CTNNA3: variants seen among roughly 807,000 people sequenced by gnomAD.
The protein encoded by CTNNA3 is catenin alpha-3.
A neutral mutation model predicts 95.7 loss-of-function variants in CTNNA3; 76 were observed. That is an observed-to-expected ratio of 0.79 (90% confidence interval 0.66 to 0.96). CTNNA3 has a LOEUF of 0.96. CTNNA3 is among the 40% of genes least tolerant of loss of function. The pLI is 0.00. For synonymous variants in CTNNA3, 431 were observed against 374.4 expected (o/e 1.15, Z -1.74); for missense variants, 1,191 against 1,089.8 (o/e 1.09, Z -1.31).
chr10:66,159,273 A>C (rs1259303368), intron 13 of CTNNA3, among the ~76,000 whole-genome samples: 1 of 152,068 alleles, frequency 6.6e-6, no homozygotes, highest in African/African-American at 2.4e-5. Context: ...TTCCCCATTC[A>C]GTATAATGTT....
At chr10:66,646,785 G>A (rs1056388421) in intron 9 of CTNNA3, among the ~76,000 whole-genome samples, 3 of 152,046 alleles carry the variant, frequency 2.0e-5, no homozygotes, top group African/African-American at 7.2e-5. Flanking sequence ...GTCACAAGAG[G>A]AGTGCTCTTC....
At chr10:66,605,719 T>C (rs1427698745) in intron 10 of CTNNA3, among the ~76,000 whole-genome samples, 3 of 152,050 alleles carry the variant, frequency 2.0e-5, no homozygotes, top group East Asian at 3.9e-4. Context: ...AGCTTCATAA[T>C]TGAGGTAGAA....
At chr10:67,249,510 T>A (rs1053409522) in intron 5 of CTNNA3, among the ~76,000 whole-genome samples, 13 of 152,172 alleles carry the variant, frequency 8.5e-5, no homozygotes, top group African/African-American at 3.1e-4. Context: ...AGCAAAACAA[T>A]GTAACAAAAT....
intron 5 of CTNNA3, among the ~76,000 whole-genome samples, chr10:67,517,458 G>A (rs1208046929): frequency 1.3e-5 from 2 of 151,796 alleles, no homozygotes; most frequent in Non-Finnish European, 2.9e-5. Flanking sequence ...AAGGTATTAT[G>A]TACCCTTCTG....
At chr10:67,478,829 A>C (rs536352759) in intron 5 of CTNNA3, among the ~76,000 whole-genome samples, 133 of 150,896 alleles carry the variant, frequency 8.8e-4, no homozygotes, top group Admixed American at 1.7e-3. Context: ...AAAAGGCACA[A>C]ATTGGCAAGT....
chr10:67,579,969 G>A (rs1382476179), intron 3 of CTNNA3, among the ~76,000 whole-genome samples: 1 of 152,020 alleles, frequency 6.6e-6, no homozygotes, highest in Non-Finnish European at 1.5e-5. Flanking sequence ...TTGTCAGATG[G>A]GTAGATTGAA....
intron 16 of CTNNA3, among the ~76,000 whole-genome samples, chr10:65,982,893 A>T (rs897425894): frequency 5.3e-5 from 8 of 151,504 alleles, no homozygotes; most frequent in African/African-American, 1.9e-4. Context: ...GATATAATGA[A>T]GGCTCCAGAA....
rs1403164907 is a variant in CTNNA3 at position 67,372,110 on chromosome 10, G to A, written c.579+149732C>T. ...TCTTGTAAATTTGTTTGAGTTCTTT[G>A]TAGATTCTGGATATTAGCCCTTTGT... On this transcript the variant is annotated intron_variant, in intron 5 of 17. Transcript: ENST00000433211. Among the ~76,000 whole-genome samples, 8 of 151,582 alleles carry A rather than the reference G, an allele frequency of 5.3e-5. No homozygotes were observed. The South Asian group carries it at 1.7e-3, about 32-fold the overall frequency.
intron 5 of CTNNA3, among the ~76,000 whole-genome samples, chr10:67,371,595 A>G (rs1413856799): frequency 6.6e-6 from 1 of 152,110 alleles, no homozygotes; most frequent in Non-Finnish European, 1.5e-5. Flanking sequence ...TCCATGGTGT[A>G]TATGTGCCAC....
At chr10:65,956,657 T>C (rs1359799567) in intron 17 of CTNNA3, among the ~76,000 whole-genome samples, 1 of 152,236 alleles carries the variant, frequency 6.6e-6, no homozygotes, top group East Asian at 1.9e-4. Context: ...CCAGTAGTCA[T>C]CCAGGAGCAG....
At chr10:66,795,956 C>G (rs1239660633) in intron 7 of CTNNA3, among the ~76,000 whole-genome samples, 1 of 151,078 alleles carries the variant, frequency 6.6e-6, no homozygotes, top group Non-Finnish European at 1.5e-5. Context: ...CAGTTAGGGC[C>G]TTGCAGTAGA....
intron 15 of CTNNA3, among the ~76,000 whole-genome samples, chr10:66,058,499 T>C (rs1444963004): frequency 6.6e-6 from 1 of 152,140 alleles, no homozygotes; most frequent in Non-Finnish European, 1.5e-5. Context: ...TATTTCTACA[T>C]GGCTATTTTT....
intron 6 of CTNNA3, among the ~76,000 whole-genome samples, chr10:67,185,314 G>A (rs1473329096): frequency 6.6e-6 from 1 of 151,914 alleles, no homozygotes; most frequent in African/African-American, 2.4e-5. Flanking sequence ...TTTTAGTAGA[G>A]AGAGGGTTTC....
chr10:66,739,349 T>C (rs911651816), intron 9 of CTNNA3, among the ~76,000 whole-genome samples: 16 of 152,320 alleles, frequency 1.1e-4, no homozygotes, highest in African/African-American at 3.8e-4. Flanking sequence ...TCCCAGGTGA[T>C]GCTGATGCTG....
At chr10:65,970,729 A>G (rs982964592) in intron 16 of CTNNA3, among the ~76,000 whole-genome samples, 33 of 148,410 alleles carry the variant, frequency 2.2e-4, no homozygotes, top group Non-Finnish European at 3.9e-4. Context: ...AATATAATAT[A>G]TAATAGATAA....
chr10:67,463,769 A>T (rs1050103072), intron 5 of CTNNA3, among the ~76,000 whole-genome samples: 5 of 152,204 alleles, frequency 3.3e-5, no homozygotes, highest in African/African-American at 1.2e-4. Flanking sequence ...TGAATATTCA[A>T]CTTTTCAATG....
intron 10 of CTNNA3, among the ~76,000 whole-genome samples, chr10:66,569,287 T>C (rs1446754661): frequency 6.6e-6 from 1 of 152,168 alleles, no homozygotes; most frequent in Non-Finnish European, 1.5e-5. Context: ...TAGTCTTCCT[T>C]ACCCTCCTCT....
At chr10:66,243,866 T>C (rs2090202588) in intron 13 of CTNNA3, among the ~76,000 whole-genome samples, 1 of 151,948 alleles carries the variant, frequency 6.6e-6, no homozygotes, top group South Asian at 2.1e-4. Flanking sequence ...TAGTATGCCA[T>C]GGACCTTGGG....
chr10:67,172,836 A>G (rs1564941462), intron 7 of CTNNA3, among the ~76,000 whole-genome samples: 1 of 152,034 alleles, frequency 6.6e-6, no homozygotes. Flanking sequence ...TTAGCCAGCT[A>G]TGGTGGTGTA....
Sources: allele counts gnomAD v4.1 joint callset (sites outside exome capture counted in the v4.1 genomes callset), GRCh38; gene constraint gnomAD v4.1.1; transcripts MANE v1.5; gene names NCBI Gene and HGNC (gene_info 2026-07-23, HGNC 2026-07-21).